The following DLGAP2 variants were observed in gnomAD, a reference collection of about 807,000 sequenced individuals.
DLGAP2 encodes disks large-associated protein 2.
Under a neutral mutation model 100.3 loss-of-function variants are expected in DLGAP2, and 26 were observed. That is an observed-to-expected ratio of 0.26 (90% CI 0.19 to 0.36). DLGAP2 has a LOEUF of 0.36. Ranked by LOEUF, DLGAP2 falls within the 10% of genes least tolerant of loss-of-function variation. DLGAP2 has a pLI of 1.00. For missense variants in DLGAP2, 1,858 were observed against 1,453.2 expected, an observed-to-expected ratio of 1.28 and a Z score of -4.53; for synonymous variants, 886 against 630.1, an observed-to-expected ratio of 1.41 and a Z score of -6.08.
intron 1 of DLGAP2, among the ~76,000 whole-genome samples, chr8:755,337 T>C (rs1367237683): frequency 1.3e-5 from 2 of 152,080 alleles, no homozygotes; most frequent in Admixed American, 1.3e-4. Flanking sequence ...TGGGGGCTCT[T>C]GCCTGAGGTC....
chr8:1,286,623 T>A (rs141656027), intron 3 of DLGAP2, among the ~76,000 whole-genome samples: 2 of 152,358 alleles, frequency 1.3e-5, no homozygotes, highest in Admixed American at 1.3e-4. Context: ...TGATCTAGTC[T>A]GACCTGAACT....
At chr8:964,744 C>A (rs992885094) in intron 2 of DLGAP2, among the ~76,000 whole-genome samples, 4 of 152,190 alleles carry the variant, frequency 2.6e-5, no homozygotes, top group African/African-American at 7.2e-5. Flanking sequence ...AGGGTGGGCA[C>A]CGCCTCCACC....
intron 2 of DLGAP2, among the ~76,000 whole-genome samples, chr8:1,237,186 T>C (rs1307907963): frequency 7.2e-6 from 1 of 138,396 alleles, no homozygotes; most frequent in African/African-American, 2.9e-5. Context: ...CATGGCGCCG[T>C]GTGTAGTTCT....
intron 2 of DLGAP2, among the ~76,000 whole-genome samples, chr8:919,468 C>G (rs952221094): frequency 2.0e-5 from 3 of 152,044 alleles, no homozygotes; most frequent in Non-Finnish European, 2.9e-5. Flanking sequence ...TGAGCTCCCC[C>G]ACTGCTGATG....
chr8:803,551 G>A (rs1050149958), intron 1 of DLGAP2, among the ~76,000 whole-genome samples: 1 of 149,036 alleles, frequency 6.7e-6, no homozygotes, highest in African/African-American at 2.5e-5. Flanking sequence ...GACGTTACCA[G>A]TGAGATGCCC....
At chr8:1,433,347 G>C (rs1445203821) in intron 3 of DLGAP2, among the ~76,000 whole-genome samples, 1 of 152,240 alleles carries the variant, frequency 6.6e-6, no homozygotes, top group Admixed American at 6.5e-5. Flanking sequence ...TCCTAGGAGT[G>C]CATGGCCTAC....
At chr8:1,364,677 C>T (rs1015825055) in intron 3 of DLGAP2, among the ~76,000 whole-genome samples, 2 of 152,230 alleles carry the variant, frequency 1.3e-5, no homozygotes, top group Non-Finnish European at 2.9e-5. Context: ...GGGCAAAGCT[C>T]GACTGGCAAG....
chr8:1,030,732 C>T (rs1438174340), intron 2 of DLGAP2, among the ~76,000 whole-genome samples: 4 of 152,174 alleles, frequency 2.6e-5, no homozygotes, highest in Admixed American at 6.5e-5. Context: ...CTCTTGATAT[C>T]CTCAGATGCC....
intron 6 of DLGAP2, among the ~76,000 whole-genome samples, chr8:1,596,703 C>T (rs940087606): frequency 4.6e-5 from 7 of 152,144 alleles, no homozygotes; most frequent in Non-Finnish European, 8.8e-5. Context: ...ATCGTTCACC[C>T]ACTTTATGAT....
chr8:1,687,574 C>CT (rs1244596991), intron 12 of DLGAP2, among the ~76,000 whole-genome samples: 1 of 152,194 alleles, frequency 6.6e-6, no homozygotes, highest in Non-Finnish European at 1.5e-5. Flanking sequence ...ATTAGCTACA[C>CT]TTTTTGACAT....
chr8:1,160,420 AGT>A (rs1364333123), intron 2 of DLGAP2, among the ~76,000 whole-genome samples: 1 of 152,126 alleles, frequency 6.6e-6, no homozygotes, highest in African/African-American at 2.4e-5. Flanking sequence ...CGCGGGCGTG[AGT>A]GTGCACGTGT....
intron 6 of DLGAP2, among the ~76,000 whole-genome samples, chr8:1,619,235 T>G (rs1797252419): frequency 6.6e-6 from 1 of 152,176 alleles, no homozygotes; most frequent in African/African-American, 2.4e-5. Context: ...CAATAAGAAT[T>G]AGTCATCCAG....
chr8:1,005,421 T>G (rs930223415), intron 2 of DLGAP2, among the ~76,000 whole-genome samples: 3 of 150,024 alleles, frequency 2.0e-5, no homozygotes, highest in Non-Finnish European at 4.4e-5. Context: ...TTTTTTTTTT[T>G]TTTTTGAGAT....
At chr8:1,225,221 C>A (rs1248242048) in intron 2 of DLGAP2, among the ~76,000 whole-genome samples, 1 of 152,176 alleles carries the variant, frequency 6.6e-6, no homozygotes, top group South Asian at 2.1e-4. Flanking sequence ...GCCATATGTA[C>A]AGACAACGGA....
At chr8:1,233,769 TG>T (rs1798586036) in intron 2 of DLGAP2, among the ~76,000 whole-genome samples, 1 of 152,224 alleles carries the variant, frequency 6.6e-6, no homozygotes, top group African/African-American at 2.4e-5. Flanking sequence ...AGGGTCTCAC[TG>T]GGAGCTGTAC....
chr8:1,679,460 C>G (rs1414492232), intron 12 of DLGAP2, among the ~76,000 whole-genome samples: 4 of 149,390 alleles, frequency 2.7e-5, no homozygotes, highest in African/African-American at 9.9e-5. Flanking sequence ...CACCAAAGGT[C>G]TCACTCCTGG....
At chr8:906,288 G>A (rs572638114) in intron 1 of DLGAP2, among the ~76,000 whole-genome samples, 1 of 152,380 alleles carries the variant, frequency 6.6e-6, no homozygotes, top group East Asian at 1.9e-4. Flanking sequence ...GTTTAGGGAA[G>A]GATGTGGCGG....
chr8:1,537,877 T>G (rs1801210357), intron 4 of DLGAP2, among the ~76,000 whole-genome samples: 1 of 152,050 alleles, frequency 6.6e-6, no homozygotes, highest in Non-Finnish European at 1.5e-5. Context: ...TAAATTTAGG[T>G]GGGAGAGTTT....
At chr8:1,379,082 T>G (rs1317066548) in intron 3 of DLGAP2, among the ~76,000 whole-genome samples, 1 of 152,260 alleles carries the variant, frequency 6.6e-6, no homozygotes, top group African/African-American at 2.4e-5. Context: ...CTTAGTTAGC[T>G]TCTATGGCTA....
Sources: allele counts gnomAD v4.1 joint callset (sites outside exome capture counted in the v4.1 genomes callset), GRCh38; gene constraint gnomAD v4.1.1; transcripts MANE v1.5; gene names NCBI Gene and HGNC (gene_info 2026-07-23, HGNC 2026-07-21).